ARSG: variants seen among roughly 807,000 people sequenced by gnomAD.
ARSG encodes ASG.
A neutral mutation model predicts 50.5 loss-of-function variants in ARSG; 37 were observed. That is an observed-to-expected ratio of 0.73 (90% CI 0.56 to 0.96). The LOEUF (loss-of-function observed/expected upper bound fraction) is 0.96, where lower values mean the gene tolerates loss of function less well. Ranked by LOEUF, ARSG falls within the 50% of genes least tolerant of loss-of-function variation. The pLI is 0.00. For synonymous variants in ARSG, 225 were observed against 254.6 expected, an observed-to-expected ratio of 0.88 and a Z score of 1.11; for missense variants, 629 against 675.3, an observed-to-expected ratio of 0.93 and a Z score of 0.76.
At chr17:68,388,941 A>G (rs12943774) in intron 9 of ARSG, among the ~76,000 whole-genome samples, 83,385 of 144,328 alleles carry the variant, frequency 0.58, 25,653 homozygotes, top group Admixed American at 0.69. Context: ...AAAAAAAAAA[A>G]AAAAGAAAAA....
intron 2 of ARSG, among the ~76,000 whole-genome samples, chr17:68,330,980 G>C (rs868677670): frequency 0.26 from 3,819 of 14,690 alleles, 165 homozygotes; most frequent in African/African-American, 0.4. Flanking sequence ...TTTTTTTGCG[G>C]GGGGGGGGGG....
the ARSG span, among the ~76,000 whole-genome samples, chr17:68,447,322 A>G: frequency 1.5e-4 from 23 of 152,344 alleles, no homozygotes; most frequent in South Asian, 2.3e-3. Flanking sequence ...CAAGAGAAAT[A>G]ACATTAACTA....
chr17:68,322,973 A>C (rs1280760884), intron 2 of ARSG, among the ~76,000 whole-genome samples: 3 of 152,150 alleles, frequency 2.0e-5, no homozygotes, highest in African/African-American at 7.2e-5. Context: ...ATACAGTTCA[A>C]GACCAGCCTG....
At chr17:68,376,462 A>C (rs1382220156) in intron 8 of ARSG, among the ~76,000 whole-genome samples, 1 of 150,472 alleles carries the variant, frequency 6.6e-6, no homozygotes, top group Non-Finnish European at 1.5e-5. Context: ...TACCTTTTAA[A>C]ATTTTTTTTG....
intron 2 of ARSG, among the ~76,000 whole-genome samples, chr17:68,309,555 A>G (rs2076762148): frequency 6.6e-6 from 1 of 151,896 alleles, no homozygotes; most frequent in African/African-American, 2.4e-5. Context: ...ACAGAGCGAG[A>G]CTCTGTCTCT....
At chr17:68,427,875 T>C in the ARSG span, among the ~76,000 whole-genome samples, 3,136 of 152,158 alleles carry the variant, frequency 0.021, 112 homozygotes, top group African/African-American at 0.072. Context: ...ACAGAAGGCA[T>C]GAGTGCTTTT....
intron 4 of ARSG, among the ~76,000 whole-genome samples, chr17:68,347,943 G>A (rs762174445): frequency 4.6e-5 from 7 of 152,242 alleles, no homozygotes; most frequent in Middle Eastern, 3.4e-3. Context: ...TATGGAAAAC[G>A]GCTGAATTGT....
upstream of ARSG, chr17:68,291,249 C>G (rs2075975815): frequency 6.6e-6 from 1 of 151,294 alleles, no homozygotes; most frequent in African/African-American, 2.4e-5. Context: ...GGCCCGAGCG[C>G]CCGGGCCCTC....
At chr17:68,428,732 T>A in the ARSG span, 3 of 928,260 alleles carry the variant, frequency 3.2e-6, no homozygotes, top group Admixed American at 6.3e-5. Context: ...GAAGAACAAA[T>A]CAATGCAAGG....
Position 68,336,515 on chromosome 17 carries a change from C to A in ARSG, c.219-7089C>A, listed in dbSNP as rs192748218. 5.3e-5 allele frequency among the ~76,000 whole-genome samples: 8 copies of A among 151,956 alleles called. No homozygotes were observed. The East Asian group carries it at 1.2e-3, about 22-fold the overall frequency. On this transcript the variant is annotated intron_variant, in intron 2 of 11. Coordinates refer to ENST00000621439, the MANE Select transcript of ARSG (RefSeq NM_001267727.2). ...GTGAACCACCACACCTGGCCAAGATCATGTTTTTCAGTAAGGGATTAGTGT... is the reference window on the plus strand; with the variant it reads ...GTGAACCACCACACCTGGCCAAGATAATGTTTTTCAGTAAGGGATTAGTGT...
At chr17:68,331,029 G>C (rs2077717287) in intron 2 of ARSG, among the ~76,000 whole-genome samples, 2 of 150,516 alleles carry the variant, frequency 1.3e-5, no homozygotes, top group Admixed American at 1.3e-4. Flanking sequence ...CTGTCACCCA[G>C]GCTGGAGTGC....
intron 1 of ARSG, among the ~76,000 whole-genome samples, chr17:68,279,306 G>A (rs1045569125): frequency 3.3e-5 from 5 of 151,822 alleles, no homozygotes; most frequent in Non-Finnish European, 5.9e-5. Context: ...TGGCCACCGC[G>A]ATCACCTAGT....
intron 10 of ARSG, among the ~76,000 whole-genome samples, chr17:68,396,019 T>G (rs200598554): frequency 6.2e-5 from 9 of 145,276 alleles, no homozygotes; most frequent in East Asian, 2.3e-4. Context: ...TTTTTTGTTT[T>G]TTTTTTTGAG....
downstream of ARSG, among the ~76,000 whole-genome samples, chr17:68,426,940 A>C (rs1053881646): frequency 2.0e-4 from 30 of 152,086 alleles, no homozygotes; most frequent in African/African-American, 6.5e-4. Context: ...AAAGGCTATT[A>C]CCATGGCCTC....
Position 68,293,718 on chromosome 17 carries a change from G to A in ARSG, c.-552+2150G>A, listed in dbSNP as rs79192314. 6.8e-3 allele frequency among the ~76,000 whole-genome samples: 1,037 copies of A among 152,236 alleles called. 10 individuals carry two copies. The highest frequency in any genetic ancestry group is 0.024 in the African/African-American group (1,002 of 41,518). ...GGAGGCACTGAGCACTGGAGGGATT[G>A]ACCTAAGGTTACACCATGTTTATAG... On this transcript the variant is annotated intron_variant, in intron 1 of 11. Coordinates refer to ENST00000621439, the MANE Select transcript of ARSG (RefSeq NM_001267727.2).
intron 2 of ARSG, among the ~76,000 whole-genome samples, chr17:68,312,727 A>G (rs1555767208): frequency 6.6e-6 from 1 of 152,098 alleles, no homozygotes; most frequent in Admixed American, 6.6e-5. Flanking sequence ...TTGACAGGAA[A>G]GCCGGGCTTC....
At chr17:68,353,576 A>T (rs1439888362) in intron 5 of ARSG, among the ~76,000 whole-genome samples, 1 of 152,238 alleles carries the variant, frequency 6.6e-6, no homozygotes, top group Non-Finnish European at 1.5e-5. Flanking sequence ...ATGAAAAGCG[A>T]GGCTATAGAG....
chr17:68,393,635 G>A (rs779210450), intron 9 of ARSG, among the ~76,000 whole-genome samples: 7 of 152,138 alleles, frequency 4.6e-5, no homozygotes, highest in Non-Finnish European at 7.3e-5. Context: ...GGGAGGCCGA[G>A]GCAGGTGGAT....
At chr17:68,293,323 A>G (rs1035038351) in intron 1 of ARSG, among the ~76,000 whole-genome samples, 2 of 152,196 alleles carry the variant, frequency 1.3e-5, no homozygotes, top group Non-Finnish European at 2.9e-5. Context: ...GCAGCCAGCC[A>G]TTTATACCTG....
Sources: gnomAD v4.1 joint callset for allele counts (sites outside exome capture counted in the v4.1 genomes callset) on GRCh38, gnomAD v4.1.1 for gene constraint, MANE v1.5 for transcripts, NCBI Gene and HGNC (gene_info 2026-07-23, HGNC 2026-07-21) for gene names.